Variants in STK32B observed in about 807,000 individuals in gnomAD.
The protein encoded by STK32B is serine/threonine kinase 32B.
STK32B carries 43 observed loss-of-function variants against 52.6 expected under a neutral mutation model. The observed-to-expected ratio is 0.82, with a 90% CI of 0.64 to 1.05. STK32B has a LOEUF of 1.05. Ranked by LOEUF, STK32B falls within the 50% of genes least tolerant of loss-of-function variation. The pLI is 0.00. For synonymous variants in STK32B, 238 were observed against 204.3 expected (o/e 1.17, Z -1.41); for missense variants, 621 against 534.6 (o/e 1.16, Z -1.59).
chr4:5,020,143 G>A, the STK32B span, among the ~76,000 whole-genome samples: 2 of 152,198 alleles, frequency 1.3e-5, no homozygotes, highest in African/African-American at 2.4e-5. Context: ...CACAGGCCCC[G>A]AGGGAGAGCA....
intron 3 of STK32B, among the ~76,000 whole-genome samples, chr4:5,291,385 G>T (rs6446347): frequency 1 from 152,124 of 152,234 alleles, 76,009 homozygotes; most frequent in Middle Eastern, 1. Flanking sequence ...TTCACCAAAT[G>T]TATTTATAAG....
chr4:5,065,130 T>C (rs1742366910), intron 1 of STK32B, among the ~76,000 whole-genome samples: 1 of 152,078 alleles, frequency 6.6e-6, no homozygotes, highest in South Asian at 2.1e-4. Flanking sequence ...AACCCCTGCA[T>C]GTTCAGTCAC....
chr4:5,183,162 C>T (rs912739915), intron 3 of STK32B, among the ~76,000 whole-genome samples: 7 of 152,096 alleles, frequency 4.6e-5, no homozygotes, highest in South Asian at 2.1e-4. Context: ...TAGCAAGAGT[C>T]GGCCTGTTTT....
At chr4:5,123,225 G>A (rs1229495026) in intron 1 of STK32B, among the ~76,000 whole-genome samples, 4 of 152,194 alleles carry the variant, frequency 2.6e-5, no homozygotes, top group Admixed American at 6.5e-5. Context: ...GCTGTGTCCC[G>A]TGGTCTTGCT....
At chr4:5,141,358 G>A (rs1716439089) in intron 2 of STK32B, among the ~76,000 whole-genome samples, 1 of 152,226 alleles carries the variant, frequency 6.6e-6, no homozygotes, top group Non-Finnish European at 1.5e-5. Flanking sequence ...GGAACTTCAA[G>A]TGCAAATCCC....
intron 3 of STK32B, among the ~76,000 whole-genome samples, chr4:5,168,889 C>A (rs963667982): frequency 2.0e-5 from 3 of 152,154 alleles, no homozygotes; most frequent in Admixed American, 2.0e-4. Context: ...AATTCTCTAT[C>A]CTGCCCCCAA....
At chr4:5,465,657 G>T (rs890783099) in intron 9 of STK32B, among the ~76,000 whole-genome samples, 1 of 152,172 alleles carries the variant, frequency 6.6e-6, no homozygotes, top group Non-Finnish European at 1.5e-5. Flanking sequence ...CTCTGAGCCT[G>T]CCATATTTCA....
chr4:5,095,295 G>A (rs79677503), intron 1 of STK32B, among the ~76,000 whole-genome samples: 5 of 152,086 alleles, frequency 3.3e-5, no homozygotes, highest in African/African-American at 9.7e-5. Context: ...GGTTTTAAGC[G>A]TATTAATATA....
the STK32B span, among the ~76,000 whole-genome samples, chr4:5,030,584 A>G: frequency 6.6e-6 from 1 of 152,184 alleles, no homozygotes; most frequent in Non-Finnish European, 1.5e-5. Flanking sequence ...TCCTCATAAA[A>G]ACCTTACAAG....
intron 3 of STK32B, among the ~76,000 whole-genome samples, chr4:5,235,013 A>G (rs547457230): frequency 1.3e-5 from 2 of 152,338 alleles, no homozygotes; most frequent in South Asian, 4.1e-4. Context: ...ATTTTTACAT[A>G]TGACAGTTGA....
At chr4:5,230,225 C>T (rs1275583234) in intron 3 of STK32B, among the ~76,000 whole-genome samples, 1 of 117,554 alleles carries the variant, frequency 8.5e-6, no homozygotes, top group Non-Finnish European at 1.7e-5. Flanking sequence ...AGTCTTGCAC[C>T]GTCGCCCAGG....
At chr4:5,256,730 C>A (rs1726326818) in intron 3 of STK32B, among the ~76,000 whole-genome samples, 1 of 152,210 alleles carries the variant, frequency 6.6e-6, no homozygotes, top group Non-Finnish European at 1.5e-5. Context: ...TTCCTGAAGC[C>A]TTTTATTAGC....
intron 1 of STK32B, among the ~76,000 whole-genome samples, chr4:5,055,754 C>T (rs1741979150): frequency 6.6e-6 from 1 of 151,988 alleles, no homozygotes; most frequent in African/African-American, 2.4e-5. Context: ...GAGGGCATCT[C>T]CCCCCCAGCC....
In STK32B at chr4:5,460,242, C is replaced by T. The variant is rs930334233; in HGVS notation, c.909+14C>T. ...TTTGTGCCCAATGTGAGTGGAAGTCCCACCTGATGTCATGCCACCCCTCTG... is the reference window on the plus strand; with the variant it reads ...TTTGTGCCCAATGTGAGTGGAAGTCTCACCTGATGTCATGCCACCCCTCTG... On this transcript the variant is annotated intron_variant, in intron 9 of 11. Transcript: ENST00000282908. The surrounding 1 kb of genome is among the most constrained non-coding windows in gnomAD (Gnocchi z 4.8). The T allele has an allele frequency of 1.9e-6, 3 of 1,603,580 alleles. No homozygotes were observed. The highest frequency in any genetic ancestry group is 1.3e-5 in the African/African-American group (1 of 74,856).
At chr4:5,438,766 C>T (rs977633974) in intron 6 of STK32B, among the ~76,000 whole-genome samples, 18 of 152,194 alleles carry the variant, frequency 1.2e-4, no homozygotes, top group African/African-American at 4.1e-4. Context: ...CCACACCCCA[C>T]AACAGTTCCC....
intron 3 of STK32B, among the ~76,000 whole-genome samples, chr4:5,327,230 G>A (rs889419665): frequency 1.3e-5 from 2 of 151,328 alleles, no homozygotes; most frequent in African/African-American, 4.9e-5. Flanking sequence ...TCATCCATGA[G>A]GGTTAGAATC....
intron 3 of STK32B, among the ~76,000 whole-genome samples, chr4:5,246,517 A>G (rs147273219): frequency 0.065 from 9,872 of 152,104 alleles, 403 homozygotes; most frequent in African/African-American, 0.11. Flanking sequence ...CATTGGTTCA[A>G]ACTTCCTCCT....
At chr4:5,342,381 T>A (rs1224590897) in intron 4 of STK32B, among the ~76,000 whole-genome samples, 1 of 152,176 alleles carries the variant, frequency 6.6e-6, no homozygotes, top group Admixed American at 6.5e-5. Flanking sequence ...TAAAAAAGGA[T>A]GAGTTCATGT....
chr4:5,499,784 C>T lies in STK32B; in HGVS notation c.*701C>T, dbSNP rs938199151. The T allele has an allele frequency of 5.9e-5, 9 of 152,352 alleles. No individual in the cohort carries two copies. The highest frequency in any genetic ancestry group is 4.4e-5 in the Non-Finnish European group (3 of 68,166). The allele number at this position is 152,352 out of a possible 1,614,324, so 9.4% of individuals were successfully genotyped here. A position where few individuals can be genotyped will look rare whatever the true frequency, so the allele number is the denominator to read the frequency against. ...TCAGCAGTCCTCACCACCACCATAT[C>T]CCCAGTGCTGGGATGGCACACAGGT... On this transcript the variant is annotated 3_prime_UTR_variant, in exon 12 of 12. Transcript: ENST00000282908.
Sources: allele counts gnomAD v4.1 joint callset (sites outside exome capture counted in the v4.1 genomes callset), GRCh38; gene constraint gnomAD v4.1.1; non-coding constraint Gnocchi (gnomAD v3.1); transcripts MANE v1.5; gene names NCBI Gene and HGNC (gene_info 2026-07-23, HGNC 2026-07-21).